KDM4B: variants seen among roughly 807,000 people sequenced by gnomAD.
The protein encoded by KDM4B is lysine-specific demethylase 4B.
KDM4B carries 32 observed loss-of-function variants against 125.2 expected under a neutral mutation model. The ratio of observed to expected loss-of-function variants is 0.26; its 90% CI spans 0.19 to 0.34. KDM4B has a LOEUF of 0.34. KDM4B is among the 10% of genes least tolerant of loss of function. The probability of loss-of-function intolerance (pLI) is 1.00; values close to 1 mark genes in which losing one functional copy is unlikely to be tolerated. For synonymous variants in KDM4B, 721 were observed against 677.9 expected (o/e 1.06, Z -0.99); for missense variants, 1,190 against 1,577.7 (o/e 0.75, Z 4.16).
At chr19:5,085,504 T>G (rs2038461936) in intron 9 of KDM4B, among the ~76,000 whole-genome samples, 1 of 152,148 alleles carries the variant, frequency 6.6e-6, no homozygotes, top group Non-Finnish European at 1.5e-5. Context: ...TAAAAGCAAT[T>G]TGGGGTTCAG....
intron 6 of KDM4B, among the ~76,000 whole-genome samples, chr19:5,055,038 T>C (rs568983721): frequency 1.3e-5 from 2 of 152,316 alleles, no homozygotes; most frequent in East Asian, 3.9e-4. Context: ...ATTGCATCTC[T>C]GCGCCTGGCG....
intron 1 of KDM4B, among the ~76,000 whole-genome samples, chr19:4,993,571 T>C (rs998807589): frequency 6.6e-6 from 1 of 152,198 alleles, no homozygotes; most frequent in African/African-American, 2.4e-5. Context: ...ATTCACCTTT[T>C]TATCATTATA....
At chr19:5,118,967 C>T in intron 10 of KDM4B, 1 of 612,074 alleles carries the variant, frequency 1.6e-6, no homozygotes, top group Non-Finnish European at 2.9e-6. Flanking sequence ...CAGGTCAGAG[C>T]AGCGGAGTGT....
chr19:4,970,430 A>C (rs529419890), intron 1 of KDM4B, among the ~76,000 whole-genome samples: 1 of 151,932 alleles, frequency 6.6e-6, no homozygotes, highest in African/African-American at 2.4e-5. Flanking sequence ...GCGTGTATTC[A>C]GCAAGTTCCT....
chr19:5,063,664 G>A (rs372723563), intron 6 of KDM4B, among the ~76,000 whole-genome samples: 4 of 152,214 alleles, frequency 2.6e-5, no homozygotes, highest in Admixed American at 6.5e-5. Flanking sequence ...GGCAGGGACC[G>A]TGGCTCTCTG....
At chr19:5,044,773 C>T (rs576665375) in intron 5 of KDM4B, among the ~76,000 whole-genome samples, 2 of 152,200 alleles carry the variant, frequency 1.3e-5, no homozygotes, top group South Asian at 2.1e-4. Context: ...CCCTCTCCTG[C>T]GCCCCAGGCA....
At chr19:5,028,370 T>C (rs1373714422) in intron 2 of KDM4B, among the ~76,000 whole-genome samples, 1 of 152,212 alleles carries the variant, frequency 6.6e-6, no homozygotes, top group Non-Finnish European at 1.5e-5. Flanking sequence ...CTCACTGTGA[T>C]GTCCTCAAGG....
intron 2 of KDM4B, among the ~76,000 whole-genome samples, chr19:5,027,763 A>T (rs984928849): frequency 2.8e-4 from 42 of 151,906 alleles, no homozygotes; most frequent in Non-Finnish European, 1.8e-4. Context: ...CTGGTCACGA[A>T]CTCCTGACCT....
intron 1 of KDM4B, among the ~76,000 whole-genome samples, chr19:4,985,420 G>T (rs1012177781): frequency 2.0e-5 from 3 of 152,244 alleles, no homozygotes; most frequent in African/African-American, 7.2e-5. Context: ...CTCCATCCAT[G>T]TGGATGTTTG....
At position 5,134,037 on chromosome 19, in the gene KDM4B, C is replaced by T. The variant is rs766295029; in HGVS notation, c.2061C>T (p.Cys687=). The T allele has an allele frequency of 6.2e-7, 1 of 1,605,388 alleles. No individual in the cohort carries two copies. Among genetic ancestry groups the T allele is most frequent in the East Asian group, 2.2e-5 (1 of 44,730 alleles). The change falls in exon 14 of 23, where the codon TGC becomes TGT. Residue 687 remains cysteine (C), a synonymous_variant. Transcript: ENST00000159111. ...AARTEPYCAI[C]TLFYPYCQAL... is the part of the protein sequence containing the mutation. ...GCACGGAGCCCTACTGCGCCATCTG[C>T]ACGCTCTTCTACCCCTACTGCCAGG...
chr19:5,062,528 G>A (rs2037635568), intron 6 of KDM4B, among the ~76,000 whole-genome samples: 1 of 152,234 alleles, frequency 6.6e-6, no homozygotes, highest in East Asian at 1.9e-4. Context: ...TGCACTACCA[G>A]GTCTGTGTGT....
intron 21 of KDM4B, 54 bp from the exon 22 acceptor site, chr19:5,150,304 G>T: frequency 8.8e-6 from 13 of 1,482,286 alleles, no homozygotes; most frequent in South Asian, 1.2e-5. Context: ...GGCCTGCCTG[G>T]AGCACCTGCC....
chr19:4,979,649 AG>A (rs1379587160), intron 1 of KDM4B, among the ~76,000 whole-genome samples: 1 of 152,220 alleles, frequency 6.6e-6, no homozygotes, highest in African/African-American at 2.4e-5. Context: ...TCCTGTCACC[AG>A]GGAGGGCCAC....
At position 5,041,149 on chromosome 19, in the gene KDM4B, G is replaced by A. The variant is rs2036803212; in HGVS notation, c.330G>A (p.Pro110=). 4.3e-6 allele frequency: 7 copies of A among 1,611,268 alleles called. No homozygotes were observed. The East Asian group carries it at 1.1e-4, about 26-fold the overall frequency. ...RLANSEKYCT[P]RHQDFDDLER... is the part of the protein sequence containing the mutation. Reference sequence around the variant, plus strand: ...GTTTGTTCACCAGGTACTGTACCCCGCGGCACCAGGACTTTGATGACCTTG... The same window carrying A: ...GTTTGTTCACCAGGTACTGTACCCCACGGCACCAGGACTTTGATGACCTTG... The change falls in exon 5 of 23, where the codon CCG becomes CCA. Residue 110 remains proline, a synonymous_variant. Transcript: ENST00000159111.
At chr19:5,019,518 TG>T (rs2036015339) in intron 2 of KDM4B, among the ~76,000 whole-genome samples, 1 of 80,070 alleles carries the variant, frequency 1.2e-5, no homozygotes, top group Non-Finnish European at 2.5e-5. Context: ...GTGTGGGTGT[TG>T]GTGTGCACGT....
chr19:5,026,175 G>A (rs945910660), intron 2 of KDM4B, among the ~76,000 whole-genome samples: 6 of 150,464 alleles, frequency 4.0e-5, no homozygotes, highest in Non-Finnish European at 5.9e-5. Flanking sequence ...TTGGGAGGCC[G>A]AGGTGAGGAT....
At chr19:5,007,229 T>C (rs2035588620) in intron 1 of KDM4B, among the ~76,000 whole-genome samples, 2 of 152,230 alleles carry the variant, frequency 1.3e-5, no homozygotes, top group Admixed American at 6.5e-5. Context: ...TCTGCCATAT[T>C]GGAGAGGTTT....
rs369725514 is a variant in KDM4B, at chr19:5,111,388, G to A, written c.1115+570G>A. On this transcript the variant is annotated intron_variant, in intron 10 of 22. Coordinates refer to ENST00000159111, the MANE Select transcript of KDM4B (RefSeq NM_015015.3). ...CCTCCCACTCAGAACCCCTCCCTGC[G>A]TATCGCCGCACAGACCCTCCCAGCC... The A allele has an allele frequency of 9.0e-5, 69 of 764,976 alleles. No individual in the cohort carries two copies. In the African/African-American group the frequency reaches 9.4e-4, roughly 10 times the overall value. 47.4% of individuals were successfully genotyped at this position (764,976 alleles called of 1,614,324 possible). A position where few individuals can be genotyped will look rare whatever the true frequency, so the allele number is the denominator to read the frequency against.
At position 5,054,462 on chromosome 19, in the gene KDM4B, ATGTGTGTGTGTGTGTG is replaced by A. The variant is rs3070257; in HGVS notation, c.626+6806_626+6821del. Among the ~76,000 whole-genome samples, 77 of 150,592 alleles carry A rather than the reference ATGTGTGTGTGTGTGTG, an allele frequency of 5.1e-4. No individual in the cohort carries two copies. In the South Asian group the frequency reaches 8.2e-3, roughly 16 times the overall value. On this transcript the variant is annotated intron_variant, in intron 6 of 22. Transcript: ENST00000159111. Reference sequence around the variant, plus strand: ...TGCTGAGTCCCCTGAGAGAGAGAGAATGTGTGTGTGTGTGTGTGTGTGTGTGTGCGCGCGCATGCAC... The same window carrying A: ...TGCTGAGTCCCCTGAGAGAGAGAGAATGTGTGTGTGTGCGCGCGCATGCAC...
Sources: allele counts gnomAD v4.1 joint callset (sites outside exome capture counted in the v4.1 genomes callset), GRCh38; gene constraint gnomAD v4.1.1; transcripts MANE v1.5; gene names NCBI Gene and HGNC (gene_info 2026-07-23, HGNC 2026-07-21).